Variants in SEC24A observed in about 807,000 individuals in gnomAD.
SEC24A encodes the protein protein transport protein Sec24A.
SEC24A carries 93 observed loss-of-function variants against 129.4 expected under a neutral mutation model. The observed-to-expected ratio is 0.72, with a 90% confidence interval of 0.61 to 0.85. The LOEUF (loss-of-function observed/expected upper bound fraction) is 0.85. Among genes scored for constraint, SEC24A ranks in the 40% least tolerant of loss-of-function variants. The pLI, the probability that SEC24A is intolerant of heterozygous loss-of-function variation, is 0.00. For missense variants in SEC24A, 1,264 were observed against 1,307.4 expected, an observed-to-expected ratio of 0.97 and a Z score of 0.51; for synonymous variants, 460 against 467.3, an observed-to-expected ratio of 0.98 and a Z score of 0.20.
intron 1 of SEC24A, among the ~76,000 whole-genome samples, chr5:134,654,923 G>T (rs1192329999): frequency 2.0e-5 from 3 of 151,808 alleles, no homozygotes; most frequent in African/African-American, 7.3e-5. Context: ...TCACCATTTG[G>T]CCAGGCTGGT....
In SEC24A at chr5:134,667,653, C is replaced by CAA. The variant is rs1203841096; in HGVS notation, c.739+671_739+672dup. ...TGGGCGACAGAACCAGACTCCGTCT[C>CAA]AAAAAAAAAAAAAAACAAAAAAAAA... is the stretch of plus-strand genomic sequence containing the variant. On this transcript the variant is annotated intron_variant, in intron 3 of 22. Transcript: ENST00000398844. Among the ~76,000 whole-genome samples the CAA allele has an allele frequency of 2.3e-3, 95 of 40,800 alleles. 1 individual carries two copies. Among genetic ancestry groups the CAA allele is most frequent in the African/African-American group, 6.2e-3 (75 of 12,022 alleles). 26.8% of individuals were successfully genotyped at this position (40,800 alleles called of 152,430 possible). A position where few individuals can be genotyped will look rare whatever the true frequency, so the allele number is the denominator to read the frequency against.
Position 134,715,120 on chromosome 5 carries a change from A to T in SEC24A, c.2824A>T (p.Thr942Ser), listed in dbSNP as rs763026426. ...GCCCTTGGTTTACCTTATGCTCACA[A>T]CTCATCCCAGTTTGTATAGAGTTGA... ...NQPLVYLMLTTHPSLYRVDNL... is the reference protein window; with the variant it reads ...NQPLVYLMLTSHPSLYRVDNL... The change falls in exon 19 of 23, where the codon ACT becomes TCT. Residue 942 changes from threonine (T) to serine (S), a missense_variant. By Grantham distance (58) the Thr-to-Ser change is moderately conservative (BLOSUM62 1). Coordinates refer to ENST00000398844, the MANE Select transcript of SEC24A (RefSeq NM_021982.3). 6.2e-7 allele frequency: 1 copy of T among 1,609,742 alleles called. No homozygotes were observed. Among genetic ancestry groups the T allele is most frequent in the Non-Finnish European group, 8.5e-7 (1 of 1,179,046 alleles).
At chr5:134,688,067 G>A (rs1751509057) in intron 10 of SEC24A, 114 bp from the exon 11 acceptor site, 2 of 730,908 alleles carry the variant, frequency 2.7e-6, no homozygotes, top group East Asian at 5.1e-5. Context: ...GTTTGTGTTG[G>A]GCCAATTTCT....
At chr5:134,719,149 A>G (rs894205275) in intron 20 of SEC24A, among the ~76,000 whole-genome samples, 4 of 152,170 alleles carry the variant, frequency 2.6e-5, no homozygotes, top group African/African-American at 9.7e-5. Context: ...TAGGATGCCA[A>G]GGCAGGCGGA....
At chr5:134,692,910 GA>G (rs1751705209) in intron 12 of SEC24A, 2 of 827,150 alleles carry the variant, frequency 2.4e-6, no homozygotes, top group Non-Finnish European at 4.0e-6. Flanking sequence ...ACACTTGAAG[GA>G]AATCTGTCTT....
chr5:134,722,475 G>A (rs1752653337), intron 21 of SEC24A, among the ~76,000 whole-genome samples: 1 of 152,152 alleles, frequency 6.6e-6, no homozygotes, highest in Non-Finnish European at 1.5e-5. Flanking sequence ...TACTCTGGAG[G>A]CTGAGGCAGG....
chr5:134,664,604 T>G (rs1750588201), intron 2 of SEC24A, among the ~76,000 whole-genome samples: 1 of 152,120 alleles, frequency 6.6e-6, no homozygotes, highest in Non-Finnish European at 1.5e-5. Flanking sequence ...ACATTCTTGT[T>G]CATGCTGAGT....
At chr5:134,665,443 G>A (rs1374237348) in intron 2 of SEC24A, among the ~76,000 whole-genome samples, 9 of 149,804 alleles carry the variant, frequency 6.0e-5, no homozygotes, top group Admixed American at 2.0e-4. Flanking sequence ...GGACAAGAGT[G>A]AGACTTCGTC....
intron 4 of SEC24A, among the ~76,000 whole-genome samples, chr5:134,672,674 A>G (rs1205640597): frequency 6.6e-6 from 1 of 151,876 alleles, no homozygotes; most frequent in East Asian, 1.9e-4. Flanking sequence ...TTTTTTGTTA[A>G]GTTTTTCTTC....
chr5:134,693,510 A>G (rs1751726791), intron 12 of SEC24A: 3 of 1,419,150 alleles, frequency 2.1e-6, no homozygotes, highest in Non-Finnish European at 2.7e-6. Flanking sequence ...TGCATGTGCA[A>G]GAACTGTAAG....
intron 21 of SEC24A, among the ~76,000 whole-genome samples, chr5:134,722,981 C>T (rs1160737333): frequency 2.0e-5 from 3 of 152,036 alleles, no homozygotes; most frequent in African/African-American, 7.2e-5. Flanking sequence ...TGGTGAGATA[C>T]TCGTCTCTAC....
chr5:134,693,199 T>G, intron 12 of SEC24A: 1 of 1,524,876 alleles, frequency 6.6e-7, no homozygotes. Flanking sequence ...CTATGGTCTC[T>G]GCTGTTGGCA....
rs1231512238 is a variant in SEC24A at position 134,705,724 on chromosome 5, A to G, written c.2551+287A>G. Among the ~76,000 whole-genome samples the G allele has an allele frequency of 2.0e-5, 3 of 152,230 alleles. No individual in the cohort carries two copies. The South Asian group carries it at 6.2e-4, about 32-fold the overall frequency. On this transcript the variant is annotated intron_variant, in intron 17 of 22. Coordinates refer to ENST00000398844, the MANE Select transcript of SEC24A (RefSeq NM_021982.3). ...TTTACAGAGTTGTACAGCTATCACC[A>G]CAATCTAATTTTATAACATTTCTAT...
At chr5:134,710,500 A>G (rs1390730026) in intron 18 of SEC24A, among the ~76,000 whole-genome samples, 1 of 152,124 alleles carries the variant, frequency 6.6e-6, no homozygotes, top group Admixed American at 6.6e-5. Context: ...CCTAAAGTGC[A>G]GGGATTACAG....
chr5:134,715,887 A>T (rs972283132), intron 19 of SEC24A, among the ~76,000 whole-genome samples: 1 of 151,964 alleles, frequency 6.6e-6, no homozygotes, highest in Non-Finnish European at 1.5e-5. Context: ...GTGTATTTTT[A>T]AAATATATTT....
intron 3 of SEC24A, 142 bp downstream of exon 3, chr5:134,667,138 A>C: frequency 3.2e-6 from 2 of 619,060 alleles, no homozygotes; most frequent in Non-Finnish European, 5.1e-6. Flanking sequence ...AGGAATTTAC[A>C]ATTTAAAGTT....
chr5:134,717,938 G>T, intron 19 of SEC24A, 131 bp from the exon 20 acceptor site: 1 of 611,218 alleles, frequency 1.6e-6, no homozygotes, highest in South Asian at 2.3e-5. Flanking sequence ...AAATAAATAA[G>T]AATAATTGTG....
chr5:134,663,880 C>A (rs372383452), intron 2 of SEC24A, among the ~76,000 whole-genome samples: 4 of 152,222 alleles, frequency 2.6e-5, no homozygotes, highest in South Asian at 4.1e-4. Context: ...GAGGCTGAGT[C>A]GGGTGGATCA....
At chr5:134,714,627 A>G (rs1561832662) in intron 18 of SEC24A, among the ~76,000 whole-genome samples, 1 of 152,214 alleles carries the variant, frequency 6.6e-6, no homozygotes, top group African/African-American at 2.4e-5. Context: ...CACTGACGTA[A>G]TGGATATCTT....
Sources: gnomAD v4.1 joint callset for allele counts (sites outside exome capture counted in the v4.1 genomes callset) on GRCh38, gnomAD v4.1.1 for gene constraint, MANE v1.5 for transcripts, NCBI Gene and HGNC (gene_info 2026-07-23, HGNC 2026-07-21) for gene names.